Variants in FUT9 observed in about 807,000 individuals in gnomAD.
FUT9 encodes the protein 4-galactosyl-N-acetylglucosaminide 3-alpha-L-fucosyltransferase 9.
In FUT9, 15 loss-of-function variants were observed where a neutral mutation model predicts 29.7. That is an observed-to-expected ratio of 0.51 (90% CI 0.34 to 0.78). The LOEUF is 0.78. Ranked by LOEUF, FUT9 falls within the 30% of genes least tolerant of loss-of-function variation. FUT9 has a pLI of 0.01. For synonymous variants in FUT9, 169 were observed against 153.7 expected, an observed-to-expected ratio of 1.10 and a Z score of -0.74; for missense variants, 319 against 425.4, an observed-to-expected ratio of 0.75 and a Z score of 2.20.
At chr6:96,148,521 G>C (rs1772615195) in intron 2 of FUT9, among the ~76,000 whole-genome samples, 1 of 152,070 alleles carries the variant, frequency 6.6e-6, no homozygotes, top group African/African-American at 2.4e-5. Flanking sequence ...TGTGGAAATG[G>C]GCTCTGAAGG....
chr6:96,108,600 C>T (rs1050751759), intron 1 of FUT9, among the ~76,000 whole-genome samples: 3 of 152,138 alleles, frequency 2.0e-5, no homozygotes, highest in Non-Finnish European at 4.4e-5. Flanking sequence ...AGCTCACCTT[C>T]ACTGCCTTGT....
At chr6:96,201,561 G>A (rs1394182523) in intron 2 of FUT9, among the ~76,000 whole-genome samples, 1 of 151,820 alleles carries the variant, frequency 6.6e-6, no homozygotes, top group Admixed American at 6.6e-5. Context: ...TGTGTGCAAA[G>A]CTATAATTTC....
At chr6:96,111,973 C>T (rs3811070) in intron 1 of FUT9, among the ~76,000 whole-genome samples, 63,979 of 151,958 alleles carry the variant, frequency 0.42, 13,868 homozygotes, top group East Asian at 0.61. Context: ...AATCCTAAGA[C>T]AGCTATACAC....
chr6:96,058,081 G>T (rs954441393), intron 1 of FUT9, among the ~76,000 whole-genome samples: 3 of 151,928 alleles, frequency 2.0e-5, no homozygotes, highest in African/African-American at 7.3e-5. Context: ...TTTATAACGG[G>T]TCAATAGCAG....
intron 2 of FUT9, among the ~76,000 whole-genome samples, chr6:96,132,310 T>C (rs1772260988): frequency 9.5e-6 from 1 of 105,366 alleles, no homozygotes; most frequent in Admixed American, 8.3e-5. Context: ...AGAACATATG[T>C]GTCTGCTGTT....
intron 1 of FUT9, among the ~76,000 whole-genome samples, chr6:96,103,226 C>T (rs911326607): frequency 6.6e-6 from 1 of 152,046 alleles, no homozygotes; most frequent in African/African-American, 2.4e-5. Context: ...AACATATACG[C>T]GCGTGTGTGT....
At chr6:96,096,684 A>ATGTGTGTG (rs1243489757) in intron 1 of FUT9, among the ~76,000 whole-genome samples, 1,739 of 140,772 alleles carry the variant, frequency 0.012, 28 homozygotes, top group African/African-American at 0.037. Flanking sequence ...TGTCTAAGGC[A>ATGTGTGTG]TGTGTGTGTG....
intron 2 of FUT9, among the ~76,000 whole-genome samples, chr6:96,194,172 T>C (rs561802312): frequency 2.0e-5 from 3 of 152,282 alleles, no homozygotes; most frequent in East Asian, 1.9e-4. Context: ...CTGCATGTTG[T>C]GCACATGTAC....
At chr6:96,118,902 A>T (rs909603327) in intron 2 of FUT9, among the ~76,000 whole-genome samples, 3 of 152,142 alleles carry the variant, frequency 2.0e-5, no homozygotes, top group African/African-American at 7.2e-5. Context: ...ATATTTAAAA[A>T]TAGGAAAAAA....
chr6:96,042,680 G>C (rs1203733673), intron 1 of FUT9, among the ~76,000 whole-genome samples: 1 of 152,088 alleles, frequency 6.6e-6, no homozygotes, highest in Non-Finnish European at 1.5e-5. Context: ...TAGATACAAT[G>C]AAGCCCCAAA....
At chr6:96,099,994 A>G (rs748446856) in intron 1 of FUT9, among the ~76,000 whole-genome samples, 15 of 152,154 alleles carry the variant, frequency 9.9e-5, no homozygotes, top group Non-Finnish European at 2.1e-4. Context: ...TCATTTTGCA[A>G]ATGCTAACAT....
intron 2 of FUT9, among the ~76,000 whole-genome samples, chr6:96,118,120 G>A (rs956701423): frequency 2.0e-5 from 3 of 151,002 alleles, no homozygotes; most frequent in African/African-American, 7.3e-5. Context: ...CAGGAGAATC[G>A]CTTGAGCATG....
chr6:96,121,517 A>C (rs955197941), intron 2 of FUT9, among the ~76,000 whole-genome samples: 2 of 152,202 alleles, frequency 1.3e-5, no homozygotes, highest in South Asian at 2.1e-4. Context: ...AAGTAGAGGC[A>C]GATAAAAATA....
chr6:96,113,157 T>A (rs1771842871), intron 1 of FUT9, among the ~76,000 whole-genome samples: 1 of 152,166 alleles, frequency 6.6e-6, no homozygotes, highest in Non-Finnish European at 1.5e-5. Flanking sequence ...TTATACTCAC[T>A]TTCTTAGAGT....
chr6:96,116,770 T>C (rs1771919116), intron 2 of FUT9, among the ~76,000 whole-genome samples: 1 of 152,178 alleles, frequency 6.6e-6, no homozygotes, highest in African/African-American at 2.4e-5. Flanking sequence ...AGATCAGTGG[T>C]TGCCCAAGTT....
chr6:96,201,037 G>A (rs1284190819), intron 2 of FUT9, among the ~76,000 whole-genome samples: 1 of 151,496 alleles, frequency 6.6e-6, no homozygotes, highest in East Asian at 1.9e-4. Flanking sequence ...TTGACCTCAT[G>A]AGCTAAGCTT....
intron 2 of FUT9, among the ~76,000 whole-genome samples, chr6:96,191,696 A>T (rs1237892893): frequency 6.6e-6 from 1 of 152,206 alleles, no homozygotes; most frequent in East Asian, 1.9e-4. Context: ...ATTCCAATCA[A>T]TAGAAAAAGA....
intron 1 of FUT9, among the ~76,000 whole-genome samples, chr6:96,046,020 C>G (rs1263234484): frequency 6.6e-6 from 1 of 152,142 alleles, no homozygotes; most frequent in Non-Finnish European, 1.5e-5. Context: ...TCAGTAGATT[C>G]AGCTTTTGAG....
Position 96,078,405 on chromosome 6 carries a change from C to CTGATTTTTTTTTTTT in FUT9, c.-97-35633_-97-35632insGATTTTTTTTTTTTT, listed in dbSNP as rs1201729276. Among the ~76,000 whole-genome samples, 17 of 45,176 alleles carry CTGATTTTTTTTTTTT rather than the reference C, an allele frequency of 3.8e-4. 2 individuals are homozygous for CTGATTTTTTTTTTTT. The highest frequency in any genetic ancestry group is 3.0e-3 in the South Asian group (4 of 1,336). The allele number at this position is 45,176 out of a possible 152,430, so 29.6% of individuals were successfully genotyped here. Reference sequence around the variant, plus strand: ...TTTGATCTCTTTCTTTCATATTAGTCTTCTTTTTTTTTTTTTTTTTTTTTT... The same window carrying CTGATTTTTTTTTTTT: ...TTTGATCTCTTTCTTTCATATTAGTCTGATTTTTTTTTTTTTTCTTTTTTTTTTTTTTTTTTTTTT... On this transcript the variant is annotated intron_variant, in intron 1 of 2. Coordinates refer to ENST00000302103, the MANE Select transcript of FUT9 (RefSeq NM_006581.4).
Sources: allele counts gnomAD v4.1 joint callset (sites outside exome capture counted in the v4.1 genomes callset), GRCh38; gene constraint gnomAD v4.1.1; transcripts MANE v1.5; gene names NCBI Gene and HGNC (gene_info 2026-07-23, HGNC 2026-07-21).